NFS1: variants seen among roughly 807,000 people sequenced by gnomAD.
NFS1 encodes the protein NFS1 cysteine desulfurase.
Under a neutral mutation model 57.3 loss-of-function variants are expected in NFS1, and 26 were observed. That is an observed-to-expected ratio of 0.45 (90% confidence interval 0.33 to 0.63). NFS1 has a LOEUF of 0.63. Among genes scored for constraint, NFS1 ranks in the 20% least tolerant of loss-of-function variants. The pLI, the probability that NFS1 is intolerant of heterozygous loss-of-function variation, is 0.02. For synonymous variants in NFS1, 209 were observed against 216.3 expected (o/e 0.97, Z 0.30); for missense variants, 505 against 605.8 (o/e 0.83, Z 1.75).
intron 7 of NFS1, among the ~76,000 whole-genome samples, chr20:35,680,380 A>G (rs1036110613): frequency 3.3e-5 from 5 of 152,206 alleles, no homozygotes; most frequent in Admixed American, 6.5e-5. Flanking sequence ...GACACTGGGA[A>G]TGAGGGACTC....
intron 12 of NFS1, among the ~76,000 whole-genome samples, chr20:35,672,251 C>T (rs1179014684): frequency 1.3e-5 from 2 of 151,868 alleles, no homozygotes; most frequent in Non-Finnish European, 2.9e-5. Flanking sequence ...AGCCACTGTG[C>T]CCGGCTTTTT....
At chr20:35,696,695 G>T (rs2035139650) in intron 3 of NFS1, among the ~76,000 whole-genome samples, 1 of 152,048 alleles carries the variant, frequency 6.6e-6, no homozygotes, top group South Asian at 2.1e-4. Flanking sequence ...TTGGCCAGGT[G>T]TGGTGGGTCA....
chr20:35,673,694 G>C lies in NFS1; in HGVS notation c.1137-10C>G, dbSNP rs373581145. 8.1e-6 allele frequency: 13 copies of C among 1,610,186 alleles called. No homozygotes were observed. In the African/African-American group the frequency reaches 1.1e-4, roughly 13 times the overall value. On this transcript the variant is annotated splice_polypyrimidine_tract_variant and intron_variant, in intron 10 of 12. Coordinates refer to ENST00000374092, the MANE Select transcript of NFS1 (RefSeq NM_021100.5). The stretch of plus-strand genomic sequence containing the variant: ...TGCAGAGGTGCAGGCACTGAGGAGA[G>C]AGACACGAACCTTGTTCAGTTCATC...
intron 10 of NFS1, 80 bp downstream of exon 10, chr20:35,674,270 T>G: frequency 8.9e-7 from 1 of 1,129,046 alleles, no homozygotes; most frequent in South Asian, 1.2e-5. Flanking sequence ...GCCTATCATC[T>G]CCACACTGGG....
chr20:35,672,684 C>T (rs906657866), intron 12 of NFS1, 71 bp downstream of exon 12: 2 of 1,100,154 alleles, frequency 1.8e-6, no homozygotes, highest in African/African-American at 3.1e-5. Flanking sequence ...AGTGTAAACA[C>T]ATAGCCTAAG....
intron 7 of NFS1, 117 bp downstream of exon 7, chr20:35,680,620 A>C: frequency 4.7e-6 from 4 of 855,108 alleles, no homozygotes; most frequent in Non-Finnish European, 6.7e-6. Context: ...TCTACAAGGG[A>C]CTCTGAATGT....
chr20:35,689,058 C>T (rs918586835), intron 5 of NFS1, among the ~76,000 whole-genome samples: 2 of 152,202 alleles, frequency 1.3e-5, no homozygotes, highest in Non-Finnish European at 2.9e-5. Flanking sequence ...GACACTACTT[C>T]TTTAGCAGGA....
chr20:35,690,582 A>G lies in NFS1; in HGVS notation c.409-17T>C, dbSNP rs1385172062. 1 of 1,613,526 alleles carries G rather than the reference A, an allele frequency of 6.2e-7. No individual in the cohort carries two copies. The highest frequency in any genetic ancestry group is 8.5e-7 in the Non-Finnish European group (1 of 1,179,666). On this transcript the variant is annotated splice_polypyrimidine_tract_variant and intron_variant, in intron 4 of 12. Transcript: ENST00000374092. ...GGCCACCCCCTAGAAATTGGTGGTG[A>G]CAGATGGAAGGAGAACATACTCAGA...
intron 5 of NFS1, among the ~76,000 whole-genome samples, chr20:35,686,308 C>G (rs2034942709): frequency 6.9e-6 from 1 of 145,814 alleles, no homozygotes; most frequent in African/African-American, 2.6e-5. Context: ...AGAGAGCATG[C>G]CATTGCACTC....
chr20:35,688,639 T>C (rs2034986679), intron 5 of NFS1, among the ~76,000 whole-genome samples: 1 of 151,258 alleles, frequency 6.6e-6, no homozygotes, highest in Admixed American at 6.6e-5. Flanking sequence ...AGCCCAGAAG[T>C]CTGAGGCCAC....
Position 35,696,316 on chromosome 20 carries a change from G to T in NFS1, c.408+61C>A. ...AATACATATACGAGTCCAAATGATG[G>T]AGGGACACTATCTCCTAGGTCAGGA... is the stretch of plus-strand genomic sequence containing the variant. On this transcript the variant is annotated intron_variant, in intron 4 of 12. Transcript: ENST00000374092. 3 of 1,107,648 alleles carry T rather than the reference G, an allele frequency of 2.7e-6. No individual in the cohort carries two copies. The South Asian group carries it at 3.7e-5, about 14-fold the overall frequency. 68.6% of individuals were successfully genotyped at this position (1,107,648 alleles called of 1,614,324 possible). A position where few individuals can be genotyped will look rare whatever the true frequency, so the allele number is the denominator to read the frequency against.
At chr20:35,679,576 CT>C (rs1328233035) in intron 7 of NFS1, among the ~76,000 whole-genome samples, 2 of 152,104 alleles carry the variant, frequency 1.3e-5, no homozygotes, top group East Asian at 3.9e-4. Flanking sequence ...ATCAAAAAGA[CT>C]TATCTACAAT....
intron 5 of NFS1, among the ~76,000 whole-genome samples, chr20:35,683,079 AAAAAC>A (rs914509674): frequency 7.9e-5 from 12 of 151,948 alleles, no homozygotes; most frequent in African/African-American, 2.4e-4. Context: ...TTCCATCTCA[AAAAAC>A]AAAACAAAAC....
rs764928676 is a variant in NFS1 at position 35,698,610 on chromosome 20, A to C, written c.98-20T>G. On this transcript the variant is annotated intron_variant, in intron 1 of 12. Transcript: ENST00000374092. ...CTCCAACTGATAAAAAATGGAACGG[A>C]GTAGCCAAGTAAGACCGAAGGCAAC... The C allele has an allele frequency of 4.4e-6, 7 of 1,577,030 alleles. No individual in the cohort carries two copies. The highest frequency in any genetic ancestry group is 6.0e-6 in the Non-Finnish European group (7 of 1,164,804).
intron 5 of NFS1, among the ~76,000 whole-genome samples, chr20:35,684,411 TAAATAAAATAAAATAAAATA>T (rs60162682): frequency 0.013 from 1,677 of 124,380 alleles, 18 homozygotes; most frequent in South Asian, 0.019. Flanking sequence ...CCATCTCAAA[TAAATAAAATAAAATAAAATA>T]AAATAAAATA....
In NFS1 at chr20:35,674,343, A is replaced by G. The variant is rs1380767615; in HGVS notation, c.1136+7T>C. On this transcript the variant is annotated splice_region_variant and intron_variant, in intron 10 of 12. Transcript: ENST00000374092. ...GCCGCAGGCCCTGTCTATGCCGTCC[A>G]GCTCACCTCCCTGAGGATAAGGCAA... is the stretch of plus-strand genomic sequence containing the variant. 1 of 1,613,286 alleles carries G rather than the reference A, an allele frequency of 6.2e-7. No individual in the cohort carries two copies. Among genetic ancestry groups the G allele is most frequent in the Non-Finnish European group, 8.5e-7 (1 of 1,179,580 alleles).
At position 35,681,962 on chromosome 20, in the gene NFS1, T is replaced by A. The variant is rs147549547; in HGVS notation, c.581A>T (p.Gln194Leu). 1 of 1,610,330 alleles carries A rather than the reference T, an allele frequency of 6.2e-7. No homozygotes were observed. Among genetic ancestry groups the A allele is most frequent in the African/African-American group, 1.3e-5 (1 of 75,002 alleles). Residue 194 changes from glutamine to leucine, a missense_variant, in exon 6 of 13, where the codon CAG becomes CTG. By Grantham distance (113) the Gln-to-Leu change is moderately radical. Coordinates refer to ENST00000374092, the MANE Select transcript of NFS1 (RefSeq NM_021100.5). The part of the protein sequence containing the change: ...IDLKELEAAI[Q>L]PDTSLVSVMT... ...GACTGACACCAGGCTAGTATCTGGCTGGATAGCAGCCTCTAGTTCCTAGGG... is the reference window on the plus strand; with the variant it reads ...GACTGACACCAGGCTAGTATCTGGCAGGATAGCAGCCTCTAGTTCCTAGGG...
intron 7 of NFS1, among the ~76,000 whole-genome samples, chr20:35,679,192 T>G (rs2034806563): frequency 2.0e-5 from 3 of 152,092 alleles, no homozygotes; most frequent in African/African-American, 7.2e-5. Context: ...ATGGAGTTCA[T>G]GAGATTTTTT....
chr20:35,688,105 G>A (rs1356546942), intron 5 of NFS1, among the ~76,000 whole-genome samples: 1 of 152,064 alleles, frequency 6.6e-6, no homozygotes, highest in Non-Finnish European at 1.5e-5. Flanking sequence ...AATTAGCTGG[G>A]CGTGGTGGTG....
Sources: gnomAD v4.1 joint callset for allele counts (sites outside exome capture counted in the v4.1 genomes callset) on GRCh38, gnomAD v4.1.1 for gene constraint, MANE v1.5 for transcripts, NCBI Gene and HGNC (gene_info 2026-07-23, HGNC 2026-07-21) for gene names.